Variants in FAM135B observed in about 807,000 individuals in gnomAD.
FAM135B encodes the protein protein FAM135B.
In FAM135B, 43 loss-of-function variants were observed where a neutral mutation model predicts 127.7. That is an observed-to-expected ratio of 0.34 (90% CI 0.26 to 0.43). The LOEUF (loss-of-function observed/expected upper bound fraction) is 0.43. FAM135B is among the 20% of genes least tolerant of loss of function. The pLI is 1.00. For missense variants in FAM135B, 1,558 were observed against 1,725.6 expected (o/e 0.90, Z 1.72); for synonymous variants, 670 against 665.1 (o/e 1.01, Z -0.11).
At chr8:138,445,864 A>G (rs1433764815) in intron 1 of FAM135B, among the ~76,000 whole-genome samples, 1 of 152,110 alleles carries the variant, frequency 6.6e-6, no homozygotes, top group Non-Finnish European at 1.5e-5. Context: ...AAGTCAAATT[A>G]TCCCTGTTTG....
chr8:138,245,173 G>T (rs1196931649), intron 6 of FAM135B, among the ~76,000 whole-genome samples: 1 of 152,158 alleles, frequency 6.6e-6, no homozygotes, highest in African/African-American at 2.4e-5. Context: ...ACTCCAGCAA[G>T]GTTGCTGCAG....
intron 5 of FAM135B, 97 bp downstream of exon 5, chr8:138,256,592 C>T (rs920801240): frequency 7.3e-6 from 7 of 964,216 alleles, no homozygotes; most frequent in African/African-American, 1.6e-5. Flanking sequence ...ATCTGAGAGA[C>T]GTTCTGAGGT....
chr8:138,494,483 G>C (rs768358436), intron 1 of FAM135B, among the ~76,000 whole-genome samples: 3 of 152,306 alleles, frequency 2.0e-5, no homozygotes, highest in Middle Eastern at 6.8e-3. Flanking sequence ...GCACATGAGA[G>C]AATATGGGAA....
chr8:138,142,697 G>C (rs367648497), intron 16 of FAM135B, among the ~76,000 whole-genome samples: 2 of 152,060 alleles, frequency 1.3e-5, no homozygotes, highest in African/African-American at 4.8e-5. Flanking sequence ...TATATATCTG[G>C]TACATGGCAA....
At chr8:138,297,820 AGGGT>A (rs1284988379) in intron 3 of FAM135B, among the ~76,000 whole-genome samples, 2 of 152,240 alleles carry the variant, frequency 1.3e-5, no homozygotes, top group East Asian at 3.8e-4. Flanking sequence ...GGCAGAAGTG[AGGGT>A]GGATAAGGGG....
intron 1 of FAM135B, among the ~76,000 whole-genome samples, chr8:138,449,358 G>A (rs1024304804): frequency 2.0e-5 from 3 of 152,134 alleles, no homozygotes; most frequent in Non-Finnish European, 4.4e-5. Flanking sequence ...AGCAAGAAGG[G>A]AGGGAAAGGA....
chr8:138,414,655 A>C (rs1041183886), intron 1 of FAM135B, among the ~76,000 whole-genome samples: 4 of 151,950 alleles, frequency 2.6e-5, no homozygotes, highest in African/African-American at 9.7e-5. Flanking sequence ...TAACTGATTA[A>C]TTTTTTTCCC....
intron 1 of FAM135B, among the ~76,000 whole-genome samples, chr8:138,406,896 G>C (rs1052245586): frequency 1.3e-5 from 2 of 151,512 alleles, no homozygotes; most frequent in Non-Finnish European, 2.9e-5. Context: ...CATAGTGTTG[G>C]AAGTTCTGGC....
intron 1 of FAM135B, among the ~76,000 whole-genome samples, chr8:138,435,808 C>A (rs998332933): frequency 6.6e-6 from 1 of 152,098 alleles, no homozygotes; most frequent in Non-Finnish European, 1.5e-5. Context: ...TCCTATCACC[C>A]CTTTGTTTAA....
At chr8:138,361,659 T>C (rs112530620) in intron 2 of FAM135B, among the ~76,000 whole-genome samples, 5 of 152,306 alleles carry the variant, frequency 3.3e-5, no homozygotes, top group African/African-American at 1.2e-4. Context: ...ATAAAAAGTA[T>C]GCTGCAATAA....
intron 2 of FAM135B, among the ~76,000 whole-genome samples, chr8:138,346,123 A>G (rs747050944): frequency 2.0e-5 from 3 of 152,234 alleles, no homozygotes; most frequent in Non-Finnish European, 4.4e-5. Flanking sequence ...CGCCAGTCAG[A>G]ATGGTGATTA....
chr8:138,207,203 G>A (rs576692017), intron 7 of FAM135B, among the ~76,000 whole-genome samples: 1 of 143,388 alleles, frequency 7.0e-6, no homozygotes, highest in Non-Finnish European at 1.5e-5. Context: ...CTGTGCAGTT[G>A]ACTGAAACAA....
intron 1 of FAM135B, among the ~76,000 whole-genome samples, chr8:138,398,055 G>A (rs576028040): frequency 3.3e-5 from 5 of 152,270 alleles, no homozygotes; most frequent in African/African-American, 1.2e-4. Flanking sequence ...ACTCCCTCCG[G>A]TCCCAGATGA....
chr8:138,138,420 G>C (rs187544162), intron 18 of FAM135B, among the ~76,000 whole-genome samples: 4 of 152,330 alleles, frequency 2.6e-5, no homozygotes, highest in Non-Finnish European at 5.9e-5. Flanking sequence ...CAATCAGTCA[G>C]CTGCTCCACT....
In FAM135B at chr8:138,131,561, T is replaced by C. The variant is rs1462498483; in HGVS notation, c.*1032A>G. Reference sequence around the variant, plus strand: ...TTCCTAAGGCAAGAAGACATTTCTATTGAAAGATAGCCAGCACCCTTCTTA... The same window carrying C: ...TTCCTAAGGCAAGAAGACATTTCTACTGAAAGATAGCCAGCACCCTTCTTA... On this transcript the variant is annotated 3_prime_UTR_variant, in exon 20 of 20. Transcript: ENST00000395297. 2 of 152,676 alleles carry C rather than the reference T, an allele frequency of 1.3e-5. No homozygotes were observed. Among genetic ancestry groups the C allele is most frequent in the Admixed American group, 6.5e-5 (1 of 15,280 alleles). 9.5% of individuals were successfully genotyped at this position (152,676 alleles called of 1,614,324 possible).
In FAM135B at chr8:138,243,003, G is replaced by A. The variant is rs772112247; in HGVS notation, c.608C>T (p.Ser203Phe). 6.2e-7 allele frequency: 1 copy of A among 1,613,994 alleles called. No homozygotes were observed. The highest frequency in any genetic ancestry group is 8.5e-7 in the Non-Finnish European group (1 of 1,179,946). Residue 203 changes from serine (S) to phenylalanine (F), a missense_variant, in exon 7 of 20, where the codon TCT becomes TTT. Around this residue, in one of 5 missense-constraint regions of FAM135B, gnomAD observed 127 missense variants for 109.7 expected, o/e 1.16. Coordinates refer to ENST00000395297, the MANE Select transcript of FAM135B (RefSeq NM_015912.4). The surrounding 1 kb of genome is among the most constrained non-coding windows in gnomAD (Gnocchi z 7.5). ...GACCAAGTTTTCCAGAGAAATGATA[G>A]ACTGTTCTTGTCCGGTGTCTGGGCC... Reference protein sequence around the residue: ...KGGPDTGQEQSIISLENLVFG... With the variant: ...KGGPDTGQEQFIISLENLVFG...
intron 12 of FAM135B, among the ~76,000 whole-genome samples, chr8:138,162,655 T>G (rs1819513238): frequency 6.6e-6 from 1 of 152,182 alleles, no homozygotes; most frequent in African/African-American, 2.4e-5. Flanking sequence ...AGAATGGGAC[T>G]GCTGGGGAAT....
At chr8:138,490,157 T>G (rs1250062824) in intron 1 of FAM135B, among the ~76,000 whole-genome samples, 2 of 152,190 alleles carry the variant, frequency 1.3e-5, no homozygotes, top group Non-Finnish European at 2.9e-5. Flanking sequence ...GGAAAAGAAG[T>G]CCAGGGAGGT....
At chr8:138,222,263 G>A (rs1002877517) in intron 7 of FAM135B, among the ~76,000 whole-genome samples, 1 of 152,186 alleles carries the variant, frequency 6.6e-6, no homozygotes, top group Non-Finnish European at 1.5e-5. Flanking sequence ...CAGATAAAAG[G>A]GGTATAACAG....
Sources: allele counts gnomAD v4.1 joint callset (sites outside exome capture counted in the v4.1 genomes callset), GRCh38; gene constraint gnomAD v4.1.1; regional missense constraint gnomAD v4.1.1; non-coding constraint Gnocchi (gnomAD v3.1); transcripts MANE v1.5; gene names NCBI Gene and HGNC (gene_info 2026-07-23, HGNC 2026-07-21).